Variants in RAPGEF2 observed in about 807,000 individuals in gnomAD.
The protein encoded by RAPGEF2 is Rap guanine nucleotide exchange factor 2, also known as PDZ domain containing guanine nucleotide exchange factor (GEF) 1.
RAPGEF2 carries 54 observed loss-of-function variants against 186.7 expected under a neutral mutation model. That is an observed-to-expected ratio of 0.29 (90% CI 0.23 to 0.36). The LOEUF is 0.36. Ranked by LOEUF, RAPGEF2 falls within the 10% of genes least tolerant of loss-of-function variation. The pLI, the probability that RAPGEF2 is intolerant of heterozygous loss-of-function variation, is 1.00. For synonymous variants in RAPGEF2, 712 were observed against 705.9 expected (o/e 1.01, Z -0.14); for missense variants, 1,532 against 2,045.0 (o/e 0.75, Z 4.84).
At chr4:159,325,310 A>C (rs1367470644) in intron 11 of RAPGEF2, among the ~76,000 whole-genome samples, 1 of 152,208 alleles carries the variant, frequency 6.6e-6, no homozygotes, top group Non-Finnish European at 1.5e-5. Context: ...GAGGAAAACA[A>C]AATGGTTAAT....
At position 159,337,015 on chromosome 4, in the gene RAPGEF2, C is replaced by T. The variant is rs149567814; in HGVS notation, c.2136-1296C>T. Among the ~76,000 whole-genome samples, 91 of 152,290 alleles carry T rather than the reference C, an allele frequency of 6.0e-4. 3 individuals carry two copies. The East Asian group carries it at 0.016, about 27-fold the overall frequency. The stretch of plus-strand genomic sequence containing the variant: ...TTTATTTGAGTTTTTGTTTTGGAAA[C>T]AGTTGACCCTTCAAATCTAGAAATA... On this transcript the variant is annotated intron_variant, in intron 17 of 29. Coordinates refer to ENST00000691494, the MANE Select transcript of RAPGEF2 (RefSeq NM_001394067.2).
At chr4:159,192,581 A>C (rs955188054) in intron 2 of RAPGEF2, among the ~76,000 whole-genome samples, 1 of 152,194 alleles carries the variant, frequency 6.6e-6, no homozygotes, top group Non-Finnish European at 1.5e-5. Flanking sequence ...TGCTATTCTC[A>C]GGGTAATTTT....
In RAPGEF2 at chr4:159,150,638, T is replaced by C. The variant is rs910216401; in HGVS notation, c.70-36004T>C. 3.3e-5 allele frequency among the ~76,000 whole-genome samples: 5 copies of C among 152,236 alleles called. No homozygotes were observed. In the East Asian group the frequency reaches 9.6e-4, roughly 29 times the overall value. On this transcript the variant is annotated intron_variant, in intron 1 of 29. Transcript: ENST00000691494. The stretch of plus-strand genomic sequence containing the variant: ...AACAGGAAGGCAGAGGGCCACTTGC[T>C]CAGCCCCAGCTGGAAATGTGTTTGT...
intron 7 of RAPGEF2, chr4:159,282,571 G>A: frequency 2.3e-6 from 1 of 434,406 alleles, no homozygotes; most frequent in Admixed American, 2.7e-5. Context: ...TATGCTTTCG[G>A]CTTTTATACA....
At chr4:159,129,845 A>G (rs1344085287) in intron 1 of RAPGEF2, among the ~76,000 whole-genome samples, 4 of 152,216 alleles carry the variant, frequency 2.6e-5, no homozygotes, top group Admixed American at 1.3e-4. Flanking sequence ...TCATAGAATA[A>G]AGTGAAAGCA....
intron 1 of RAPGEF2, among the ~76,000 whole-genome samples, chr4:159,159,422 G>A (rs1453227383): frequency 6.8e-6 from 1 of 147,518 alleles, no homozygotes; most frequent in African/African-American, 2.5e-5. Flanking sequence ...ACTGAGTGTA[G>A]TGTTGTTCCA....
In RAPGEF2 at chr4:159,127,991, G is replaced by A. The variant is rs1740551101; in HGVS notation, c.69+23760G>A. On this transcript the variant is annotated intron_variant, in intron 1 of 29. Transcript: ENST00000691494. ...TCCTGAATTCTAGGCATGGTGTTAT[G>A]AATCTCTATGCCCTGGACTGCAGTT... Among the ~76,000 whole-genome samples the A allele has an allele frequency of 3.3e-5, 5 of 152,266 alleles. No homozygotes were observed. In the South Asian group the frequency reaches 1.0e-3, roughly 32 times the overall value.
intron 23 of RAPGEF2, among the ~76,000 whole-genome samples, chr4:159,344,866 G>A (rs540086832): frequency 8.5e-5 from 13 of 152,150 alleles, no homozygotes; most frequent in Non-Finnish European, 1.3e-4. Context: ...GTGAAAAGTA[G>A]AATTTCCTAG....
intron 26 of RAPGEF2, chr4:159,351,163 C>T (rs1731116731): frequency 2.0e-6 from 3 of 1,535,004 alleles, no homozygotes; most frequent in African/African-American, 1.4e-5. Flanking sequence ...TAACAATGCA[C>T]CACGGACCTA....
intron 19 of RAPGEF2, among the ~76,000 whole-genome samples, chr4:159,340,039 A>G (rs1729174597): frequency 6.6e-6 from 1 of 152,166 alleles, no homozygotes; most frequent in Non-Finnish European, 1.5e-5. Context: ...CTTTATCTTC[A>G]AGTCACAATA....
intron 4 of RAPGEF2, among the ~76,000 whole-genome samples, chr4:159,212,987 C>T (rs981190321): frequency 2.6e-5 from 4 of 152,194 alleles, no homozygotes; most frequent in Non-Finnish European, 4.4e-5. Flanking sequence ...TTGGACTCTA[C>T]GTCTAATTAT....
intron 12 of RAPGEF2, 87 bp from the exon 13 acceptor site, chr4:159,330,245 ATG>A (rs1269716827): frequency 2.5e-5 from 22 of 868,438 alleles, no homozygotes; most frequent in Middle Eastern, 2.4e-4. Flanking sequence ...AATGTCATAT[ATG>A]TGTGTGTGTA....
intron 7 of RAPGEF2, among the ~76,000 whole-genome samples, chr4:159,266,208 A>G (rs1757405363): frequency 2.0e-5 from 3 of 152,072 alleles, no homozygotes; most frequent in African/African-American, 7.2e-5. Flanking sequence ...GATGGGGAGA[A>G]GGATCCAAAA....
At chr4:159,285,636 T>C (rs1464230317) in intron 7 of RAPGEF2, among the ~76,000 whole-genome samples, 5 of 152,232 alleles carry the variant, frequency 3.3e-5, no homozygotes, top group Non-Finnish European at 5.9e-5. Context: ...ATTCCTATTT[T>C]ACATTCCTGT....
intron 4 of RAPGEF2, among the ~76,000 whole-genome samples, chr4:159,227,938 TAAC>T (rs1282935127): frequency 6.6e-6 from 1 of 152,174 alleles, no homozygotes; most frequent in Non-Finnish European, 1.5e-5. Flanking sequence ...TAAATTTTAA[TAAC>T]AAAATTGTAT....
chr4:159,134,925 T>C (rs1375258497), intron 1 of RAPGEF2, among the ~76,000 whole-genome samples: 2 of 152,272 alleles, frequency 1.3e-5, no homozygotes, highest in Non-Finnish European at 2.9e-5. Flanking sequence ...TTTCCTATTC[T>C]GGACATTTCA....
chr4:159,307,755 T>C (rs2111071846), intron 8 of RAPGEF2, among the ~76,000 whole-genome samples: 1 of 152,280 alleles, frequency 6.6e-6, no homozygotes, highest in Admixed American at 6.5e-5. Context: ...GCAGATCACT[T>C]GAGGCCAGGA....
chr4:159,286,923 C>T (rs1760580763), intron 7 of RAPGEF2, among the ~76,000 whole-genome samples: 1 of 152,086 alleles, frequency 6.6e-6, no homozygotes. Context: ...ATGCAAGCTT[C>T]GTGAGAGTAT....
rs77120752 is a variant in RAPGEF2 at position 159,214,835 on chromosome 4, CA to C, written c.281+4256del. 4.3e-4 allele frequency among the ~76,000 whole-genome samples: 66 copies of C among 152,216 alleles called. 1 individual carries two copies. In the East Asian group the frequency reaches 0.011, roughly 24 times the overall value. ...TATCAGTCATTAAAAAACCTATTTG[CA>C]AAAGGAGAAAAAACAGTATACAATT... On this transcript the variant is annotated intron_variant, in intron 4 of 29. Coordinates refer to ENST00000691494, the MANE Select transcript of RAPGEF2 (RefSeq NM_001394067.2).
Sources: allele counts gnomAD v4.1 joint callset (sites outside exome capture counted in the v4.1 genomes callset), GRCh38; gene constraint gnomAD v4.1.1; transcripts MANE v1.5; gene names NCBI Gene and HGNC (gene_info 2026-07-23, HGNC 2026-07-21).